Variants in BRINP3 observed in about 807,000 individuals in gnomAD.
BRINP3 encodes BMP/retinoic acid inducible neural specific 3.
BRINP3 carries 19 observed loss-of-function variants against 71.0 expected under a neutral mutation model. The observed-to-expected ratio is 0.27, with a 90% CI of 0.19 to 0.39. The LOEUF (loss-of-function observed/expected upper bound fraction) is 0.39. Among genes scored for constraint, BRINP3 ranks in the 10% least tolerant of loss-of-function variants. The pLI, the probability that BRINP3 is intolerant of heterozygous loss-of-function variation, is 1.00. For synonymous variants in BRINP3, 380 were observed against 337.7 expected (o/e 1.13, Z -1.37); for missense variants, 959 against 940.8 (o/e 1.02, Z -0.25).
chr1:190,385,229 T>C (rs1424269038), intron 2 of BRINP3, among the ~76,000 whole-genome samples: 2 of 151,898 alleles, frequency 1.3e-5, no homozygotes, highest in Non-Finnish European at 2.9e-5. Context: ...AATTGACAAA[T>C]AGGATCTAAT....
intron 2 of BRINP3, among the ~76,000 whole-genome samples, chr1:190,451,819 C>T (rs995461093): frequency 2.0e-5 from 3 of 152,092 alleles, no homozygotes; most frequent in African/African-American, 7.2e-5. Context: ...ATTGTTGTGT[C>T]CTTGCCGTTC....
intron 6 of BRINP3, among the ~76,000 whole-genome samples, chr1:190,206,856 C>T (rs1482594889): frequency 6.6e-6 from 1 of 151,464 alleles, no homozygotes; most frequent in Non-Finnish European, 1.5e-5. Context: ...AATAAAAAAG[C>T]AAAGAAGATA....
chr1:190,161,023 C>A, intron 6 of BRINP3, 133 bp from the exon 7 acceptor site: 2 of 598,832 alleles, frequency 3.3e-6, no homozygotes, highest in East Asian at 5.9e-5. Flanking sequence ...AATACAGTGC[C>A]TCATTTGTGA....
chr1:190,447,508 T>C (rs1221944105), intron 2 of BRINP3, among the ~76,000 whole-genome samples: 1 of 147,354 alleles, frequency 6.8e-6, no homozygotes, highest in Admixed American at 6.8e-5. Context: ...TTGATATATA[T>C]GTACAAACAC....
chr1:190,373,914 G>T (rs572954567), intron 2 of BRINP3, among the ~76,000 whole-genome samples: 2 of 150,746 alleles, frequency 1.3e-5, no homozygotes, highest in East Asian at 4.1e-4. Context: ...ATATTTGTAT[G>T]AGCAGAGACA....
intron 2 of BRINP3, among the ~76,000 whole-genome samples, chr1:190,285,192 C>G (rs1663326646): frequency 6.6e-6 from 1 of 152,102 alleles, no homozygotes; most frequent in South Asian, 2.1e-4. Flanking sequence ...TAAAGACAGT[C>G]ATCTCTGGAG....
chr1:190,135,980 A>C (rs1654942269), intron 7 of BRINP3, among the ~76,000 whole-genome samples: 1 of 152,046 alleles, frequency 6.6e-6, no homozygotes, highest in Non-Finnish European at 1.5e-5. Flanking sequence ...TTACCATGAA[A>C]TGTACTTAAA....
chr1:190,239,105 A>G (rs189308918), intron 4 of BRINP3, among the ~76,000 whole-genome samples: 2 of 152,218 alleles, frequency 1.3e-5, no homozygotes, highest in East Asian at 3.9e-4. Flanking sequence ...AGAACTTACT[A>G]TCACGAGAAC....
intron 4 of BRINP3, among the ~76,000 whole-genome samples, chr1:190,252,092 T>A (rs1191470738): frequency 6.6e-6 from 1 of 152,074 alleles, no homozygotes; most frequent in Non-Finnish European, 1.5e-5. Flanking sequence ...AAGATATTTT[T>A]TTCCTTCTAA....
At chr1:190,347,339 A>C (rs190835669) in intron 2 of BRINP3, among the ~76,000 whole-genome samples, 73 of 152,128 alleles carry the variant, frequency 4.8e-4, no homozygotes, top group African/African-American at 1.7e-3. Flanking sequence ...ACGGAGTTTC[A>C]CCATGTTGGC....
intron 2 of BRINP3, among the ~76,000 whole-genome samples, chr1:190,439,267 G>T (rs752071400): frequency 3.3e-5 from 5 of 151,762 alleles, no homozygotes; most frequent in Non-Finnish European, 7.4e-5. Flanking sequence ...ATGAATAGTA[G>T]AATAAAGGGA....
At chr1:190,160,410 A>T (rs1657244562) in intron 7 of BRINP3, among the ~76,000 whole-genome samples, 1 of 152,090 alleles carries the variant, frequency 6.6e-6, no homozygotes, top group Non-Finnish European at 1.5e-5. Flanking sequence ...ACAACACATA[A>T]TAAATTAGAA....
rs1450173767 is a variant in BRINP3 at position 190,226,175 on chromosome 1, T to C, written c.868A>G (p.Asn290Asp). ...GCTTGAATGTCCATGGAGGGGCAGT[T>C]GCATTCTGGAAATTTGGGACCACAG... The part of the protein sequence containing the change: ...CHCGPKFPEC[N>D]CPSMDIQAME... The change falls in exon 6 of 8, where the codon AAC becomes GAC. Residue 290 changes from asparagine to aspartate, a missense_variant. Physicochemically the swap from Asn to Asp is conservative, Grantham distance 23. Coordinates refer to ENST00000367462, the MANE Select transcript of BRINP3 (RefSeq NM_199051.3). 1.2e-6 allele frequency: 2 copies of C among 1,612,578 alleles called. No homozygotes were observed. The highest frequency in any genetic ancestry group is 1.7e-6 in the Non-Finnish European group (2 of 1,179,142).
chr1:190,328,141 C>G (rs1360774724), intron 2 of BRINP3, among the ~76,000 whole-genome samples: 1 of 151,900 alleles, frequency 6.6e-6, no homozygotes, highest in Non-Finnish European at 1.5e-5. Context: ...AACAACACAG[C>G]TAGGGGAACT....
chr1:190,214,955 A>T (rs1306949617), intron 6 of BRINP3, among the ~76,000 whole-genome samples: 1 of 151,866 alleles, frequency 6.6e-6, no homozygotes, highest in Non-Finnish European at 1.5e-5. Flanking sequence ...CAACTCACTG[A>T]CATAACCAAA....
intron 2 of BRINP3, among the ~76,000 whole-genome samples, chr1:190,387,645 T>C (rs1192247551): frequency 6.6e-6 from 1 of 151,908 alleles, no homozygotes; most frequent in Non-Finnish European, 1.5e-5. Flanking sequence ...CTGATTATTC[T>C]ATTTTTCCGG....
chr1:190,410,271 G>A (rs1183604732), intron 2 of BRINP3, among the ~76,000 whole-genome samples: 1 of 152,026 alleles, frequency 6.6e-6, no homozygotes, highest in African/African-American at 2.4e-5. Context: ...GTTATGGGAG[G>A]GTATGCCTCT....
intron 2 of BRINP3, among the ~76,000 whole-genome samples, chr1:190,402,889 G>A (rs1672024184): frequency 6.6e-6 from 1 of 151,976 alleles, no homozygotes; most frequent in South Asian, 2.1e-4. Flanking sequence ...AGCATGCCCA[G>A]GTAATTTTTG....
chr1:190,317,695 T>C (rs1665978474), intron 2 of BRINP3, among the ~76,000 whole-genome samples: 1 of 152,146 alleles, frequency 6.6e-6, no homozygotes, highest in Admixed American at 6.6e-5. Flanking sequence ...TATTTTTTCA[T>C]ACATCTATGC....
Sources: gnomAD v4.1 joint callset for allele counts (sites outside exome capture counted in the v4.1 genomes callset) on GRCh38, gnomAD v4.1.1 for gene constraint, MANE v1.5 for transcripts, NCBI Gene and HGNC (gene_info 2026-07-23, HGNC 2026-07-21) for gene names.